The following ANKRD50 variants were observed in gnomAD, a reference collection of about 807,000 sequenced individuals.
The protein encoded by ANKRD50 is ankyrin repeat domain-containing protein 50.
Under a neutral mutation model 112.0 loss-of-function variants are expected in ANKRD50, and 40 were observed. The observed-to-expected ratio is 0.36, with a 90% CI of 0.28 to 0.46. The LOEUF (loss-of-function observed/expected upper bound fraction) is 0.46, where lower values mean the gene tolerates loss of function less well. Among genes scored for constraint, ANKRD50 ranks in the 20% least tolerant of loss-of-function variants. ANKRD50 has a pLI of 1.00. For missense variants in ANKRD50, 1,487 were observed against 1,701.7 expected (o/e 0.87, Z 2.22); for synonymous variants, 613 against 619.1 (o/e 0.99, Z 0.15).
chr4:124,692,430 T>A (rs188643518), intron 2 of ANKRD50, among the ~76,000 whole-genome samples: 81 of 152,276 alleles, frequency 5.3e-4, no homozygotes, highest in African/African-American at 1.8e-3. Flanking sequence ...TCTTTTAAAT[T>A]AAATACATAT....
chr4:124,710,792 C>A lies in ANKRD50; in HGVS notation c.-281G>T, dbSNP rs559824806. 2.1e-6 allele frequency: 1 copy of A among 487,108 alleles called. No individual in the cohort carries two copies. Among genetic ancestry groups the A allele is most frequent in the Non-Finnish European group, 3.6e-6 (1 of 275,610 alleles). 30.2% of individuals were successfully genotyped at this position (487,108 alleles called of 1,614,324 possible). On this transcript the variant is annotated 5_prime_UTR_variant, in exon 2 of 5. Transcript: ENST00000504087. ...TCCTAAATTTTAATGAGTCACATAA[C>A]TCCATGGTTATAACTGGAGTTTATG... is the stretch of plus-strand genomic sequence containing the variant.
intron 4 of ANKRD50, among the ~76,000 whole-genome samples, chr4:124,668,414 T>C (rs1730548013): frequency 6.6e-6 from 1 of 152,076 alleles, no homozygotes; most frequent in Non-Finnish European, 1.5e-5. Context: ...TGAAAAGGAA[T>C]GAAATTAATA....
Position 124,672,539 on chromosome 4 carries a change from A to C in ANKRD50, c.743-5T>G. 3 of 1,559,202 alleles carry C rather than the reference A, an allele frequency of 1.9e-6. No homozygotes were observed. Among genetic ancestry groups the C allele is most frequent in the Non-Finnish European group, 2.6e-6 (3 of 1,153,970 alleles). ...CTAAACTTATTTTTCGAAAACCTAA[A>C]GAAGAGATAAAAAAGTAGATGTAAT... On this transcript the variant is annotated splice_region_variant and splice_polypyrimidine_tract_variant and intron_variant, in intron 3 of 4. Coordinates refer to ENST00000504087, the MANE Select transcript of ANKRD50 (RefSeq NM_020337.3).
rs771772634 is a variant in ANKRD50, at chr4:124,669,130, G to C, written c.4147C>G (p.Arg1383Gly). 3.7e-6 allele frequency: 6 copies of C among 1,613,582 alleles called. No individual in the cohort carries two copies. The Admixed American group carries it at 6.7e-5, about 18-fold the overall frequency. ...QVFLGRVSVPRTMQDRGHQEV... is the reference protein window; with the variant it reads ...QVFLGRVSVPGTMQDRGHQEV... ...TGATGCCCTCTATCTTGCATTGTTC[G>C]TGGGACTGAAACCCTACCAAGAAAA... is the stretch of plus-strand genomic sequence containing the variant. The change falls in exon 4 of 5, where the codon CGA (arginine) becomes GGA (glycine). Residue 1383 changes from arginine to glycine, a missense_variant. Physicochemically the swap from Arg to Gly is moderately radical, Grantham distance 125. Around this residue, in one of 2 missense-constraint regions of ANKRD50, gnomAD observed 441 missense variants for 432.2 expected, o/e 1.02. Coordinates refer to ENST00000504087, the MANE Select transcript of ANKRD50 (RefSeq NM_020337.3).
intron 1 of ANKRD50, among the ~76,000 whole-genome samples, chr4:124,712,130 C>T (rs2110532941): frequency 6.6e-6 from 1 of 152,276 alleles, no homozygotes; most frequent in South Asian, 2.1e-4. Context: ...ACACCGAGGT[C>T]TGCCCTTCCA....
At chr4:124,709,860 G>T (rs903272529) in intron 2 of ANKRD50, 140 bp downstream of exon 2, 2 of 1,115,000 alleles carry the variant, frequency 1.8e-6, no homozygotes, top group Non-Finnish European at 2.5e-6. Context: ...AAAGTAAACA[G>T]GTATACTCAT....
At chr4:124,679,658 A>C (rs996944471) in intron 2 of ANKRD50, among the ~76,000 whole-genome samples, 1 of 152,158 alleles carries the variant, frequency 6.6e-6, no homozygotes, top group African/African-American at 2.4e-5. Context: ...AAGAGGACAT[A>C]ATCCATCCAG....
intron 2 of ANKRD50, 109 bp downstream of exon 2, chr4:124,709,891 T>C (rs1033275528): frequency 4.3e-5 from 62 of 1,430,168 alleles, no homozygotes; most frequent in Middle Eastern, 4.4e-4. Context: ...TAAGGCCAAA[T>C]GTACAGCACC....
rs1179045556 is a variant in ANKRD50 at position 124,678,711 on chromosome 4, C to T, written c.707G>A (p.Arg236Gln). 18 of 1,613,702 alleles carry T rather than the reference C, an allele frequency of 1.1e-5. No individual in the cohort carries two copies. The highest frequency in any genetic ancestry group is 2.2e-5 in the East Asian group (1 of 44,844). The change falls in exon 3 of 5, where the codon CGA (arginine) becomes CAA (glutamine). Residue 236 changes from arginine to glutamine, a missense_variant. Arg to Gln is a conservative substitution (Grantham distance 43). Coordinates refer to ENST00000504087, the MANE Select transcript of ANKRD50 (RefSeq NM_020337.3). ...PPWLLLLCSARKQSKAVTKMF... is the reference protein window; with the variant it reads ...PPWLLLLCSAQKQSKAVTKMF... ...TTTAGTAACAGCCTTACTCTGCTTT[C>T]GGGCAGAACAGAGAAGCAATAGCCA... is the stretch of plus-strand genomic sequence containing the variant.
chr4:124,667,700 C>T (rs969611880), intron 4 of ANKRD50, among the ~76,000 whole-genome samples, 186 bp from the exon 5 acceptor site: 2 of 151,850 alleles, frequency 1.3e-5, no homozygotes, highest in Non-Finnish European at 2.9e-5. Flanking sequence ...AAAATGTTTA[C>T]CTTAATTCTG....
chr4:124,689,518 G>C (rs944670394), intron 2 of ANKRD50, among the ~76,000 whole-genome samples: 1 of 152,130 alleles, frequency 6.6e-6, no homozygotes, highest in African/African-American at 2.4e-5. Flanking sequence ...TCCTAATGTG[G>C]GTGGTGGCCT....
At chr4:124,707,429 C>T (rs1725532015) in intron 2 of ANKRD50, among the ~76,000 whole-genome samples, 2 of 152,004 alleles carry the variant, frequency 1.3e-5, no homozygotes, top group Non-Finnish European at 2.9e-5. Context: ...ACATACCAAA[C>T]AAAAATACAT....
intron 2 of ANKRD50, among the ~76,000 whole-genome samples, chr4:124,695,707 TG>T (rs1200931524): frequency 6.6e-6 from 1 of 152,066 alleles, no homozygotes; most frequent in Admixed American, 6.6e-5. Context: ...TTTCTTATGT[TG>T]GGGGAAAGAA....
Position 124,670,967 on chromosome 4 carries a change from C to T in ANKRD50, c.2310G>A (p.Gly770=). The T allele has an allele frequency of 6.2e-7, 1 of 1,613,862 alleles. No homozygotes were observed. Among genetic ancestry groups the T allele is most frequent in the African/African-American group, 1.3e-5 (1 of 74,992 alleles). The part of the protein sequence containing the change: ...HVDVVDLLLE[G]GADVDHTDNN... ...TATCTGTGTGATCTACATCTGCTCC[C>T]CCTTCTAGAAGCAAGTCAACCACAT... Residue 770 remains glycine, a synonymous_variant, in exon 4 of 5, where the codon GGG becomes GGA. Coordinates refer to ENST00000504087, the MANE Select transcript of ANKRD50 (RefSeq NM_020337.3).
chr4:124,709,938 C>G, intron 2 of ANKRD50, 62 bp downstream of exon 2: 1 of 1,537,182 alleles, frequency 6.5e-7, no homozygotes, highest in Non-Finnish European at 8.7e-7. Context: ...CAAAAAACTA[C>G]AACTAAAAAT....
rs761963328 is a variant in ANKRD50 at position 124,670,458 on chromosome 4, T to A, written c.2819A>T (p.Asn940Ile). 2 of 1,613,894 alleles carry A rather than the reference T, an allele frequency of 1.2e-6. No homozygotes were observed. Among genetic ancestry groups the A allele is most frequent in the Non-Finnish European group, 8.5e-7 (1 of 1,179,888 alleles). Reference protein sequence around the residue: ...ELLFSHGADVNCKDADGRPTL... With the variant: ...ELLFSHGADVICKDADGRPTL... ...AGGCCGACCATCAGCATCTTTGCAGTTAACATCAGCACCATGGCTAAAAAG... is the reference window on the plus strand; with the variant it reads ...AGGCCGACCATCAGCATCTTTGCAGATAACATCAGCACCATGGCTAAAAAG... Residue 940 changes from asparagine to isoleucine, a missense_variant, in exon 4 of 5, where the codon AAC (asparagine) becomes ATC (isoleucine). Physicochemically the swap from Asn to Ile is moderately radical, Grantham distance 149 (BLOSUM62 -3). This residue lies in a region of ANKRD50 where 1,046 missense variants were observed against 1,269.5 expected (regional missense o/e 0.82). Transcript: ENST00000504087.
intron 2 of ANKRD50, among the ~76,000 whole-genome samples, chr4:124,692,053 T>G (rs1467188472): frequency 6.6e-6 from 1 of 152,116 alleles, no homozygotes; most frequent in East Asian, 1.9e-4. Context: ...AAGGGAAAAA[T>G]AAAAAATTAC....
At chr4:124,680,766 G>A (rs1424796423) in intron 2 of ANKRD50, among the ~76,000 whole-genome samples, 1 of 152,026 alleles carries the variant, frequency 6.6e-6, no homozygotes, top group African/African-American at 2.4e-5. Flanking sequence ...AGAGGTCAGG[G>A]AAATTGGGAA....
chr4:124,668,768 T>C (rs1470072042), intron 4 of ANKRD50, among the ~76,000 whole-genome samples: 65 of 151,996 alleles, frequency 4.3e-4, no homozygotes, highest in Admixed American at 4.1e-3. Flanking sequence ...GTATTTTAAA[T>C]AGTAAGTGCT....
Sources: allele counts gnomAD v4.1 joint callset (sites outside exome capture counted in the v4.1 genomes callset), GRCh38; gene constraint gnomAD v4.1.1; regional missense constraint gnomAD v4.1.1; transcripts MANE v1.5; gene names NCBI Gene and HGNC (gene_info 2026-07-23, HGNC 2026-07-21).